The following HECA variants were observed in gnomAD, a reference collection of about 807,000 sequenced individuals.
HECA encodes the protein headcase protein homolog.
In HECA, 13 loss-of-function variants were observed where a neutral mutation model predicts 37.6. That is an observed-to-expected ratio of 0.35 (90% CI 0.23 to 0.55). HECA has a LOEUF of 0.55. Among genes scored for constraint, HECA ranks in the 20% least tolerant of loss-of-function variants. The probability of loss-of-function intolerance (pLI) is 0.90; values close to 1 mark genes in which losing one functional copy is unlikely to be tolerated. For missense variants in HECA, 527 were observed against 701.9 expected, an observed-to-expected ratio of 0.75 and a Z score of 2.82; for synonymous variants, 307 against 291.5, an observed-to-expected ratio of 1.05 and a Z score of -0.54.
At position 139,176,887 on chromosome 6, in the gene HECA, A is replaced by G. The variant is rs1775059176; in HGVS notation, c.1468-54A>G. The G allele has an allele frequency of 1.2e-6, 1 of 825,678 alleles. No homozygotes were observed. Among genetic ancestry groups the G allele is most frequent in the Non-Finnish European group, 2.1e-6 (1 of 469,244 alleles). The allele number at this position is 825,678 out of a possible 1,614,324, so 51.1% of individuals were successfully genotyped here. A position where few individuals can be genotyped will look rare whatever the true frequency, so the allele number is the denominator to read the frequency against. The stretch of plus-strand genomic sequence containing the variant: ...CAGCATTTTGGTTTGGATGACTTTG[A>G]CAAGTGTTGGGAAGTGGAGGGGTGT... On this transcript the variant is annotated intron_variant, in intron 3 of 3. Transcript: ENST00000367658. The surrounding 1 kb of genome is among the most constrained non-coding windows in gnomAD (Gnocchi z 4.5).
intron 1 of HECA, among the ~76,000 whole-genome samples, chr6:139,165,263 TTTTA>T (rs898373502): frequency 1.3e-5 from 2 of 152,130 alleles, no homozygotes; most frequent in African/African-American, 4.8e-5. Context: ...AAAAAACAGA[TTTTA>T]TTTTTTAGAG....
intron 1 of HECA, among the ~76,000 whole-genome samples, chr6:139,138,126 C>A (rs897311339): frequency 1.3e-5 from 2 of 151,894 alleles, no homozygotes; most frequent in African/African-American, 4.8e-5. Context: ...TTTTTCTTTT[C>A]TTTTCTTTCT....
intron 1 of HECA, among the ~76,000 whole-genome samples, chr6:139,141,454 C>T (rs538619384): frequency 2.6e-4 from 40 of 152,226 alleles, no homozygotes; most frequent in Non-Finnish European, 4.4e-4. Context: ...TATTGTTTAC[C>T]TTTAGGTTCT....
chr6:139,136,267 TAAAA>T (rs71674341), intron 1 of HECA, among the ~76,000 whole-genome samples: 33 of 132,012 alleles, frequency 2.5e-4, no homozygotes, highest in African/African-American at 2.8e-4. Flanking sequence ...AGCCCGGAGT[TAAAA>T]AAAAAAAAAA....
At chr6:139,146,925 GC>G (rs1489579139) in intron 1 of HECA, among the ~76,000 whole-genome samples, 1 of 152,190 alleles carries the variant, frequency 6.6e-6, no homozygotes, top group African/African-American at 2.4e-5. Flanking sequence ...AGCAAATTAG[GC>G]AAGACTCCTG....
At position 139,142,295 on chromosome 6, in the gene HECA, A is replaced by C. The variant is rs1439046772; in HGVS notation, c.271+6628A>C. Reference sequence around the variant, plus strand: ...CACTGGGGATTAAGTTTCAGCATGAATCTTGGAGGGACACAAACATTCAAA... The same window carrying C: ...CACTGGGGATTAAGTTTCAGCATGACTCTTGGAGGGACACAAACATTCAAA... On this transcript the variant is annotated intron_variant, in intron 1 of 3. Transcript: ENST00000367658. Among the ~76,000 whole-genome samples, 6 of 152,262 alleles carry C rather than the reference A, an allele frequency of 3.9e-5. No homozygotes were observed. In the East Asian group the frequency reaches 1.2e-3, roughly 29 times the overall value.
At chr6:139,160,002 C>T (rs1774774467) in intron 1 of HECA, among the ~76,000 whole-genome samples, 1 of 152,202 alleles carries the variant, frequency 6.6e-6, no homozygotes, top group Non-Finnish European at 1.5e-5. Context: ...TGATCCTCCT[C>T]TTTCAATAGG....
At chr6:139,148,930 A>C (rs868643149) in intron 1 of HECA, among the ~76,000 whole-genome samples, 1 of 152,014 alleles carries the variant, frequency 6.6e-6, no homozygotes, top group Non-Finnish European at 1.5e-5. Flanking sequence ...GCTATGTAGG[A>C]CTTTGACACT....
intron 1 of HECA, among the ~76,000 whole-genome samples, chr6:139,145,333 C>T (rs1774570357): frequency 1.3e-5 from 2 of 152,084 alleles, no homozygotes; most frequent in African/African-American, 2.4e-5. Flanking sequence ...TAAAATGTTA[C>T]AATTTTTCAG....
At position 139,177,243 on chromosome 6, in the gene HECA, A is replaced by G; in HGVS notation, c.*138A>G. 1.7e-6 allele frequency: 1 copy of G among 584,510 alleles called. No homozygotes were observed. The highest frequency in any genetic ancestry group is 3.0e-6 in the Non-Finnish European group (1 of 334,502). 36.2% of individuals were successfully genotyped at this position (584,510 alleles called of 1,614,324 possible). A position where few individuals can be genotyped will look rare whatever the true frequency, so the allele number is the denominator to read the frequency against. On this transcript the variant is annotated 3_prime_UTR_variant, in exon 4 of 4. Coordinates refer to ENST00000367658, the MANE Select transcript of HECA (RefSeq NM_016217.3). This position sits in a 1 kb window ranked among gnomAD's most constrained non-coding sequence, Gnocchi z 4.9. ...ACTTTGTTGTATGTGTGCCACTAAAATAGGGGCTGCCCTTGCCCTGTCTTG... is the reference window on the plus strand; with the variant it reads ...ACTTTGTTGTATGTGTGCCACTAAAGTAGGGGCTGCCCTTGCCCTGTCTTG...
At chr6:139,162,194 A>G (rs1774814664) in intron 1 of HECA, among the ~76,000 whole-genome samples, 1 of 152,108 alleles carries the variant, frequency 6.6e-6, no homozygotes, top group Non-Finnish European at 1.5e-5. Flanking sequence ...GACTCAAGTA[A>G]GATTGGGGCC....
In HECA at chr6:139,174,732, T is replaced by C. The variant is rs149502039; in HGVS notation, c.1467+193T>C. 200 of 699,636 alleles carry C rather than the reference T, an allele frequency of 2.9e-4. No homozygotes were observed. In the African/African-American group the frequency reaches 3.3e-3, roughly 11 times the overall value. The allele number at this position is 699,636 out of a possible 1,614,324, so 43.3% of individuals were successfully genotyped here. A position where few individuals can be genotyped will look rare whatever the true frequency, so the allele number is the denominator to read the frequency against. On this transcript the variant is annotated intron_variant, in intron 3 of 3. Transcript: ENST00000367658. ...AGGAATACTGTAGAATAATATATAA[T>C]TATGTGGGAAGCATTTCCAGTATAT...
In HECA at chr6:139,137,827, T is replaced by C. The variant is rs138905950; in HGVS notation, c.271+2160T>C. ...TTCTCTGAAGTGGCAGACTCAAGTA[T>C]ATTTAGCAGCACAGTGTATGTGAAG... On this transcript the variant is annotated intron_variant, in intron 1 of 3. Transcript: ENST00000367658. Among the ~76,000 whole-genome samples, 856 of 152,246 alleles carry C rather than the reference T, an allele frequency of 5.6e-3. 6 individuals are homozygous for C. The highest frequency in any genetic ancestry group is 0.024 in the Middle Eastern group (7 of 294).
At chr6:139,174,761 G>A (rs1453546174) in intron 3 of HECA, 3 of 531,484 alleles carry the variant, frequency 5.6e-6, no homozygotes, top group Non-Finnish European at 8.6e-6. Flanking sequence ...AGTATATTAG[G>A]TCAAAAGAAC....
intron 1 of HECA, among the ~76,000 whole-genome samples, chr6:139,138,323 AT>A (rs2114431040): frequency 6.6e-6 from 1 of 152,244 alleles, no homozygotes; most frequent in Non-Finnish European, 1.5e-5. Flanking sequence ...GTGTATTTCA[AT>A]TTTTTACTTA....
At chr6:139,157,065 C>T (rs1774726461) in intron 1 of HECA, among the ~76,000 whole-genome samples, 1 of 152,200 alleles carries the variant, frequency 6.6e-6, no homozygotes, top group South Asian at 2.1e-4. Flanking sequence ...CTGCTGGTTG[C>T]CCACTTTATG....
intron 1 of HECA, chr6:139,144,321 A>C (rs1282679742): frequency 6.6e-6 from 1 of 152,244 alleles, no homozygotes; most frequent in Non-Finnish European, 1.5e-5. Context: ...GCTGGCAGAG[A>C]GACATGGAAA....
chr6:139,159,462 TA>T (rs537253911), intron 1 of HECA, among the ~76,000 whole-genome samples: 15 of 149,648 alleles, frequency 1.0e-4, no homozygotes, highest in East Asian at 3.9e-4. Flanking sequence ...TTTCCTCCTT[TA>T]AAAAAAAAAT....
At chr6:139,167,564 A>G (rs3777673) in intron 2 of HECA, among the ~76,000 whole-genome samples, 108,149 of 152,080 alleles carry the variant, frequency 0.71, 39,724 homozygotes, top group African/African-American at 0.86. Flanking sequence ...AATTTGAAGA[A>G]AGGATTGCCG....
Sources: allele counts gnomAD v4.1 joint callset (sites outside exome capture counted in the v4.1 genomes callset), GRCh38; gene constraint gnomAD v4.1.1; non-coding constraint Gnocchi (gnomAD v3.1); transcripts MANE v1.5; gene names NCBI Gene and HGNC (gene_info 2026-07-23, HGNC 2026-07-21).